Variants in TRIP4 observed in about 807,000 individuals in gnomAD.
TRIP4 encodes the protein thyroid hormone receptor interactor 4.
A neutral mutation model predicts 81.8 loss-of-function variants in TRIP4; 54 were observed. The observed-to-expected ratio is 0.66, with a 90% CI of 0.53 to 0.83. The LOEUF (loss-of-function observed/expected upper bound fraction) is 0.83. Ranked by LOEUF, TRIP4 falls within the 40% of genes least tolerant of loss-of-function variation. The pLI is 0.00. For missense variants in TRIP4, 662 were observed against 683.6 expected (o/e 0.97, Z 0.35); for synonymous variants, 270 against 242.8 (o/e 1.11, Z -1.04).
At chr15:64,450,884 C>T (rs1004106255) in intron 12 of TRIP4, 3 of 279,662 alleles carry the variant, frequency 1.1e-5, no homozygotes, top group Middle Eastern at 5.5e-4. Flanking sequence ...TTTCCTGAAA[C>T]GTAAAATAGG....
At chr15:64,414,282 A>C in intron 8 of TRIP4, 71 bp downstream of exon 8, 1 of 1,587,660 alleles carries the variant, frequency 6.3e-7, no homozygotes, top group South Asian at 1.1e-5. Flanking sequence ...AAGTATGTCT[A>C]TTTCATAGAC....
At chr15:64,421,690 C>T (rs1892018235) in intron 9 of TRIP4, among the ~76,000 whole-genome samples, 1 of 152,198 alleles carries the variant, frequency 6.6e-6, no homozygotes, top group Non-Finnish European at 1.5e-5. Flanking sequence ...TAGTTAACCA[C>T]TGTGCTCCAG....
chr15:64,451,954 A>G (rs199748468), intron 12 of TRIP4, among the ~76,000 whole-genome samples: 1 of 804 alleles, frequency 1.2e-3, no homozygotes, highest in African/African-American at 3.3e-3. Context: ...TGCCCGGCCC[A>G]AAAAAAAAAA....
intron 9 of TRIP4, among the ~76,000 whole-genome samples, chr15:64,423,709 T>C (rs1372462517): frequency 1.3e-5 from 2 of 152,128 alleles, no homozygotes; most frequent in South Asian, 2.1e-4. Context: ...CTTGAAAATA[T>C]AGGATTTGTA....
intron 12 of TRIP4, among the ~76,000 whole-genome samples, chr15:64,449,252 C>T (rs1041223478): frequency 6.6e-6 from 1 of 151,008 alleles, no homozygotes; most frequent in Non-Finnish European, 1.5e-5. Flanking sequence ...TTACTTATAA[C>T]ACTGTGGCTT....
At chr15:64,408,510 C>T (rs1367513994) in intron 6 of TRIP4, among the ~76,000 whole-genome samples, 1 of 137,882 alleles carries the variant, frequency 7.3e-6, no homozygotes, top group African/African-American at 2.6e-5. Context: ...CCGTCCGCCT[C>T]AGCCTCCCAA....
intron 11 of TRIP4, among the ~76,000 whole-genome samples, chr15:64,435,541 AAT>A (rs201192045): frequency 0.032 from 4,775 of 149,956 alleles, 115 homozygotes; most frequent in African/African-American, 0.072. Flanking sequence ...AAAAAAAAAA[AAT>A]ATTATTATTG....
intron 11 of TRIP4, among the ~76,000 whole-genome samples, chr15:64,440,284 T>G (rs1892487568): frequency 6.6e-6 from 1 of 151,964 alleles, no homozygotes; most frequent in Non-Finnish European, 1.5e-5. Context: ...CAGAGCTTAT[T>G]CACATTCTTC....
chr15:64,441,566 G>A (rs1369818326), intron 11 of TRIP4, among the ~76,000 whole-genome samples: 2 of 151,722 alleles, frequency 1.3e-5, no homozygotes, highest in Non-Finnish European at 2.9e-5. Flanking sequence ...GAGGTCAGGA[G>A]ATTGAGACCA....
intron 11 of TRIP4, among the ~76,000 whole-genome samples, chr15:64,432,202 T>C (rs1286068624): frequency 6.6e-6 from 1 of 151,992 alleles, no homozygotes; most frequent in African/African-American, 2.4e-5. Flanking sequence ...ATGTTTTCTG[T>C]TGTACTTATC....
chr15:64,431,886 T>C lies in TRIP4; in HGVS notation c.1575+6255T>C, dbSNP rs868141982. 4.8e-3 allele frequency among the ~76,000 whole-genome samples: 553 copies of C among 114,086 alleles called. 2 individuals carry two copies. The highest frequency in any genetic ancestry group is 0.023 in the Middle Eastern group (6 of 256). 74.8% of individuals were successfully genotyped at this position (114,086 alleles called of 152,430 possible). On this transcript the variant is annotated intron_variant, in intron 11 of 12. Coordinates refer to ENST00000261884, the MANE Select transcript of TRIP4 (RefSeq NM_016213.5). ...AAGAGCATTGTGTTTTCTTTTTTTT[T>C]TTTTTTTTTTTTTTTGAGACGGAGT...
At chr15:64,413,713 G>C (rs1005597860) in intron 7 of TRIP4, among the ~76,000 whole-genome samples, 4 of 151,784 alleles carry the variant, frequency 2.6e-5, no homozygotes, top group Admixed American at 2.6e-4. Context: ...TCAGCCTCCC[G>C]AGTAGCTGGG....
Position 64,425,559 on chromosome 15 carries a change from C to G in TRIP4, c.1503C>G (p.Asp501Glu), listed in dbSNP as rs750287498. 3.7e-6 allele frequency: 6 copies of G among 1,611,392 alleles called. No individual in the cohort carries two copies. Among genetic ancestry groups the G allele is most frequent in the Non-Finnish European group, 1.7e-6 (2 of 1,179,194 alleles). The part of the protein sequence containing the change: ...LRGKDVEFPN[D>E]YPSGCLLGCV... ...ATTCAGATGTGGAATTTCCTAATGA[C>G]TATCCGTCAGGTTGTCTTCTGGGCT... Residue 501 changes from aspartate (D) to glutamate (E), a missense_variant, in exon 11 of 13, where the codon GAC (aspartate) becomes GAG (glutamate). Transcript: ENST00000261884.
chr15:64,431,907 G>A (rs867129453), intron 11 of TRIP4, among the ~76,000 whole-genome samples: 71 of 125,016 alleles, frequency 5.7e-4, no homozygotes, highest in Admixed American at 2.6e-4. Context: ...TTTTTGAGAC[G>A]GAGTCGTACT....
intron 1 of TRIP4, among the ~76,000 whole-genome samples, chr15:64,391,057 A>G (rs532333110): frequency 6.6e-6 from 1 of 152,244 alleles, no homozygotes; most frequent in African/African-American, 2.4e-5. Context: ...CCTGGCATTT[A>G]ATTGAGAATT....
At chr15:64,414,994 C>A (rs1891861374) in intron 8 of TRIP4, among the ~76,000 whole-genome samples, 1 of 151,660 alleles carries the variant, frequency 6.6e-6, no homozygotes, top group Non-Finnish European at 1.5e-5. Flanking sequence ...ACTTAGGAGG[C>A]TGAGTCGGGA....
chr15:64,443,906 GA>G (rs1249907508), intron 11 of TRIP4, among the ~76,000 whole-genome samples: 2 of 152,054 alleles, frequency 1.3e-5, no homozygotes, highest in African/African-American at 4.8e-5. Context: ...CTTCCACACT[GA>G]AAGCCATGGT....
At chr15:64,424,229 C>G in intron 10 of TRIP4, 74 bp downstream of exon 10, 1 of 1,585,198 alleles carries the variant, frequency 6.3e-7, no homozygotes, top group Admixed American at 1.8e-5. Flanking sequence ...CTTTCACTTC[C>G]TTCTTTCTTT....
intron 12 of TRIP4, among the ~76,000 whole-genome samples, chr15:64,454,018 T>C (rs1178043826): frequency 6.6e-6 from 1 of 152,136 alleles, no homozygotes; most frequent in Non-Finnish European, 1.5e-5. Context: ...TTATGCCCAA[T>C]TGCTGCAACA....
Sources: gnomAD v4.1 joint callset for allele counts (sites outside exome capture counted in the v4.1 genomes callset) on GRCh38, gnomAD v4.1.1 for gene constraint, MANE v1.5 for transcripts, NCBI Gene and HGNC (gene_info 2026-07-23, HGNC 2026-07-21) for gene names.